Variants in ZNF175 observed in about 807,000 individuals in gnomAD.
ZNF175 encodes zinc finger protein OTK18.
In ZNF175, 8 loss-of-function variants were observed where a neutral mutation model predicts 14.0. The observed-to-expected ratio is 0.57, with a 90% CI of 0.34 to 1.03. ZNF175 has a LOEUF of 1.03. Among genes scored for constraint, ZNF175 ranks in the 50% least tolerant of loss-of-function variants. The pLI, the probability that ZNF175 is intolerant of heterozygous loss-of-function variation, is 0.03. For missense variants in ZNF175, 764 were observed against 849.5 expected, an observed-to-expected ratio of 0.90 and a Z score of 1.25; for synonymous variants, 255 against 296.8, an observed-to-expected ratio of 0.86 and a Z score of 1.45.
chr19:51,576,073 G>A (rs182843125), intron 2 of ZNF175, among the ~76,000 whole-genome samples: 1 of 151,136 alleles, frequency 6.6e-6, no homozygotes, highest in East Asian at 1.9e-4. Flanking sequence ...CTCCAAGTGT[G>A]TACACACTGT....
intron 4 of ZNF175, among the ~76,000 whole-genome samples, chr19:51,584,736 C>T (rs948638472): frequency 7.2e-5 from 11 of 151,986 alleles, no homozygotes; most frequent in Non-Finnish European, 1.3e-4. Flanking sequence ...GGAAAAAATG[C>T]TCAACTTCAC....
At position 51,588,554 on chromosome 19, in the gene ZNF175, A is replaced by T; in HGVS notation, c.*87A>T. On this transcript the variant is annotated 3_prime_UTR_variant, in exon 5 of 5. Transcript: ENST00000262259. The stretch of plus-strand genomic sequence containing the variant: ...AATCTTCTCAGAATCAGGTCTAATT[A>T]TATGTTATTGAATTCATGCTTCAGA... 2 of 1,409,790 alleles carry T rather than the reference A, an allele frequency of 1.4e-6. No individual in the cohort carries two copies. Among genetic ancestry groups the T allele is most frequent in the South Asian group, 3.0e-5 (2 of 67,346 alleles). 87.3% of individuals were successfully genotyped at this position (1,409,790 alleles called of 1,614,324 possible). A position where few individuals can be genotyped will look rare whatever the true frequency, so the allele number is the denominator to read the frequency against.
intron 2 of ZNF175, among the ~76,000 whole-genome samples, chr19:51,579,251 C>CAAAAAAA (rs34198978): frequency 1.7e-5 from 1 of 58,100 alleles, no homozygotes; most frequent in African/African-American, 7.5e-5. Context: ...GACTCCATCT[C>CAAAAAAA]AAAAAAAAAA....
In ZNF175 at chr19:51,589,929, CTGTG is replaced by C. The variant is rs1982303049; in HGVS notation, c.*1464_*1467del. On this transcript the variant is annotated 3_prime_UTR_variant, in exon 5 of 5. Transcript: ENST00000262259. ...TATTACTATGTTCATCATCATATACCTGTGTAAGTACTCTTTCATTGATTTATAA... is the reference window on the plus strand; with the variant it reads ...TATTACTATGTTCATCATCATATACCTAAGTACTCTTTCATTGATTTATAA... 3.1e-6 allele frequency: 1 copy of C among 319,294 alleles called. No homozygotes were observed. The highest frequency in any genetic ancestry group is 5.8e-6 in the Non-Finnish European group (1 of 173,354). 19.8% of individuals were successfully genotyped at this position (319,294 alleles called of 1,614,324 possible).
chr19:51,588,521 G>A lies in ZNF175; in HGVS notation c.*54G>A. 1 of 1,492,806 alleles carries A rather than the reference G, an allele frequency of 6.7e-7. No homozygotes were observed. The highest frequency in any genetic ancestry group is 8.9e-7 in the Non-Finnish European group (1 of 1,129,160). The allele number at this position is 1,492,806 out of a possible 1,614,324, so 92.5% of individuals were successfully genotyped here. On this transcript the variant is annotated 3_prime_UTR_variant, in exon 5 of 5. Coordinates refer to ENST00000262259, the MANE Select transcript of ZNF175 (RefSeq NM_007147.4). ...TGAAATATACTCCGAGTTTCTTGAAGAAGAGAAAATCTTCTCAGAATCAGG... is the reference window on the plus strand; with the variant it reads ...TGAAATATACTCCGAGTTTCTTGAAAAAGAGAAAATCTTCTCAGAATCAGG...
intron 2 of ZNF175, among the ~76,000 whole-genome samples, chr19:51,579,867 T>C (rs1323844938): frequency 6.6e-6 from 1 of 152,186 alleles, no homozygotes; most frequent in Non-Finnish European, 1.5e-5. Flanking sequence ...TGGTTCACCC[T>C]GAGATGTGCT....
intron 3 of ZNF175, 96 bp from the exon 4 acceptor site, chr19:51,581,691 T>C: frequency 1.3e-6 from 2 of 1,536,658 alleles, no homozygotes; most frequent in Non-Finnish European, 1.8e-6. Context: ...CAGTGGAAAA[T>C]GTTGACTTTT....
Position 51,571,308 on chromosome 19 carries a change from G to A in ZNF175, c.-348G>A, listed in dbSNP as rs927472335. The stretch of plus-strand genomic sequence containing the variant: ...GACCATTTAGCTTCTGTTGTTAAGT[G>A]GATCTAAGCCTATGTCGCTTACTGG... On this transcript the variant is annotated 5_prime_UTR_variant, in exon 1 of 5. Transcript: ENST00000262259. 1 of 152,108 alleles carries A rather than the reference G, an allele frequency of 6.6e-6. No homozygotes were observed. The highest frequency in any genetic ancestry group is 2.4e-5 in the African/African-American group (1 of 41,418). The allele number at this position is 152,108 out of a possible 1,614,324, so 9.4% of individuals were successfully genotyped here. A position where few individuals can be genotyped will look rare whatever the true frequency, so the allele number is the denominator to read the frequency against.
chr19:51,573,150 G>A lies in ZNF175; in HGVS notation c.-180G>A. 1.6e-6 allele frequency: 1 copy of A among 644,982 alleles called. No homozygotes were observed. Among genetic ancestry groups the A allele is most frequent in the Non-Finnish European group, 2.7e-6 (1 of 367,034 alleles). 40.0% of individuals were successfully genotyped at this position (644,982 alleles called of 1,614,324 possible). A position where few individuals can be genotyped will look rare whatever the true frequency, so the allele number is the denominator to read the frequency against. Reference sequence around the variant, plus strand: ...ACCATGTACTCATTGCTTTTCCAAGGCTTCTGCAGAACCCCCAGGTCAGGC... The same window carrying A: ...ACCATGTACTCATTGCTTTTCCAAGACTTCTGCAGAACCCCCAGGTCAGGC... On this transcript the variant is annotated splice_region_variant and 5_prime_UTR_variant, in exon 2 of 5. Transcript: ENST00000262259.
intron 4 of ZNF175, among the ~76,000 whole-genome samples, chr19:51,586,301 A>C (rs1982160474): frequency 6.6e-6 from 1 of 152,172 alleles, no homozygotes; most frequent in Non-Finnish European, 1.5e-5. Context: ...AGATTAGCAA[A>C]GTGATCTTGG....
rs1982275255 is a variant in ZNF175 at position 51,589,206 on chromosome 19, G to GTATGTATATATATGCATATGCAGACA, written c.*749_*774dup. 4 of 241,486 alleles carry GTATGTATATATATGCATATGCAGACA rather than the reference G, an allele frequency of 1.7e-5. No individual in the cohort carries two copies. Among genetic ancestry groups the GTATGTATATATATGCATATGCAGACA allele is most frequent in the Non-Finnish European group, 2.4e-5 (3 of 126,816 alleles). The allele number at this position is 241,486 out of a possible 1,614,324, so 15.0% of individuals were successfully genotyped here. ...TATGTACGTATATTTCTGTATCTAT[G>GTATGTATATATATGCATATGCAGACA]TATGTATATATATGCATATGCAGAC... On this transcript the variant is annotated 3_prime_UTR_variant, in exon 5 of 5. Coordinates refer to ENST00000262259, the MANE Select transcript of ZNF175 (RefSeq NM_007147.4).
At chr19:51,583,134 C>T (rs1982067901) in intron 4 of ZNF175, among the ~76,000 whole-genome samples, 6 of 152,178 alleles carry the variant, frequency 3.9e-5, no homozygotes, top group Admixed American at 6.5e-5. Context: ...AGATTACAGG[C>T]GTGAGCCACC....
Position 51,591,805 on chromosome 19 carries a change from C to A in ZNF175, c.*3338C>A, listed in dbSNP as rs1235651299. 1 of 148,506 alleles carries A rather than the reference C, an allele frequency of 6.7e-6. No individual in the cohort carries two copies. Among genetic ancestry groups the A allele is most frequent in the African/African-American group, 2.5e-5 (1 of 40,010 alleles). 9.2% of individuals were successfully genotyped at this position (148,506 alleles called of 1,614,324 possible). A position where few individuals can be genotyped will look rare whatever the true frequency, so the allele number is the denominator to read the frequency against. The stretch of plus-strand genomic sequence containing the variant: ...CTTGTGAGATGGAGTCTCGCTCTGT[C>A]GCCCAGGCTCTGGAGTGCAGTGGCA... On this transcript the variant is annotated 3_prime_UTR_variant, in exon 5 of 5. Coordinates refer to ENST00000262259, the MANE Select transcript of ZNF175 (RefSeq NM_007147.4).
intron 2 of ZNF175, chr19:51,573,804 C>G: frequency 3.3e-6 from 1 of 305,428 alleles, no homozygotes; most frequent in Non-Finnish European, 5.9e-6. Flanking sequence ...TTCCTCTGTT[C>G]TCATAAGGTG....
chr19:51,573,187 G>C lies in ZNF175; in HGVS notation c.-143G>C. 1 of 777,776 alleles carries C rather than the reference G, an allele frequency of 1.3e-6. No homozygotes were observed. Among genetic ancestry groups the C allele is most frequent in the Non-Finnish European group, 2.2e-6 (1 of 450,742 alleles). The allele number at this position is 777,776 out of a possible 1,614,324, so 48.2% of individuals were successfully genotyped here. ...CCCCCAGGTCAGGCCACATCATTGA[G>C]GCTGCAGGATCTCTCTTCATAGCCC... On this transcript the variant is annotated 5_prime_UTR_variant, in exon 2 of 5. Coordinates refer to ENST00000262259, the MANE Select transcript of ZNF175 (RefSeq NM_007147.4).
chr19:51,581,786 G>A lies in ZNF175; in HGVS notation c.200-1G>A. 3 of 1,613,570 alleles carry A rather than the reference G, an allele frequency of 1.9e-6. No homozygotes were observed. Among genetic ancestry groups the A allele is most frequent in the Non-Finnish European group, 2.5e-6 (3 of 1,179,938 alleles). On this transcript the variant is annotated splice_acceptor_variant, in intron 3 of 4. Transcript: ENST00000262259. LOFTEE classifies it high-confidence loss of function. ...AATCCAGTATCCTTTCTAATTAACA[G>A]GGTATCACATTCCCAACCCAGAGGT...
At chr19:51,582,635 T>A (rs1982047436) in intron 4 of ZNF175, among the ~76,000 whole-genome samples, 1 of 152,188 alleles carries the variant, frequency 6.6e-6, no homozygotes, top group Admixed American at 6.5e-5. Flanking sequence ...AATAACTGAA[T>A]GGTGAGAGCC....
Position 51,589,603 on chromosome 19 carries a change from A to G in ZNF175, c.*1136A>G. 1.4e-6 allele frequency: 1 copy of G among 701,794 alleles called. No individual in the cohort carries two copies. The highest frequency in any genetic ancestry group is 2.6e-6 in the Non-Finnish European group (1 of 384,690). The allele number at this position is 701,794 out of a possible 1,614,324, so 43.5% of individuals were successfully genotyped here. A position where few individuals can be genotyped will look rare whatever the true frequency, so the allele number is the denominator to read the frequency against. The stretch of plus-strand genomic sequence containing the variant: ...TCCACCATCTATAGTGAGCCTCTCC[A>G]TAATTAGTGCCAACCATTAGTCTCG... On this transcript the variant is annotated 3_prime_UTR_variant, in exon 5 of 5. Coordinates refer to ENST00000262259, the MANE Select transcript of ZNF175 (RefSeq NM_007147.4).
At chr19:51,584,035 T>C (rs1376805154) in intron 4 of ZNF175, among the ~76,000 whole-genome samples, 2 of 152,254 alleles carry the variant, frequency 1.3e-5, no homozygotes, top group African/African-American at 4.8e-5. Flanking sequence ...AAAAGGATGC[T>C]TTAAATATTT....
Sources: allele counts gnomAD v4.1 joint callset (sites outside exome capture counted in the v4.1 genomes callset), GRCh38; gene constraint gnomAD v4.1.1; transcripts MANE v1.5; gene names NCBI Gene and HGNC (gene_info 2026-07-23, HGNC 2026-07-21).